PCDHA8: variants seen among roughly 807,000 people sequenced by gnomAD.
PCDHA8 encodes protocadherin alpha-8.
In PCDHA8, 53 loss-of-function variants were observed where a neutral mutation model predicts 61.8. The observed-to-expected ratio is 0.86, with a 90% CI of 0.69 to 1.08. The LOEUF is 1.08. Among genes scored for constraint, PCDHA8 ranks in the 50% least tolerant of loss-of-function variants. The pLI, the probability that PCDHA8 is intolerant of heterozygous loss-of-function variation, is 0.00. For synonymous variants in PCDHA8, 618 were observed against 556.6 expected (o/e 1.11, Z -1.55); for missense variants, 1,293 against 1,245.0 (o/e 1.04, Z -0.58).
chr5:140,883,339 C>G (rs142984869), intron 1 of PCDHA8: 2 of 1,614,172 alleles, frequency 1.2e-6, no homozygotes, highest in South Asian at 2.2e-5. Flanking sequence ...CTTTGTCACT[C>G]CCCATCAGAG....
At chr5:140,895,709 A>G (rs763607157) in intron 1 of PCDHA8, among the ~76,000 whole-genome samples, 2 of 152,208 alleles carry the variant, frequency 1.3e-5, no homozygotes, top group African/African-American at 2.4e-5. Flanking sequence ...CACTTGGGAT[A>G]ATGGCCTGCA....
At position 140,849,641 on chromosome 5, in the gene PCDHA8, C is replaced by A. The variant is rs2150443548; in HGVS notation, c.2394+5926C>A. 5 of 1,598,742 alleles carry A rather than the reference C, an allele frequency of 3.1e-6. 2 individuals are homozygous for A. Among genetic ancestry groups the A allele is most frequent in the Non-Finnish European group, 2.6e-6 (3 of 1,167,966 alleles). ...TGATCGACCTAGACGCAGATGCCAA[C>A]GGGCAGGTTACCTGCTCCCTGACGC... On this transcript the variant is annotated intron_variant, in intron 1 of 3. Coordinates refer to ENST00000531613, the MANE Select transcript of PCDHA8 (RefSeq NM_018911.3).
chr5:140,865,528 T>C (rs2048902393), intron 1 of PCDHA8: 1 of 152,220 alleles, frequency 6.6e-6, no homozygotes, highest in Non-Finnish European at 1.5e-5. Context: ...GGAATTCTCT[T>C]CATCCATAGC....
At chr5:140,877,388 A>G (rs1186041410) in intron 1 of PCDHA8, 14 of 1,613,802 alleles carry the variant, frequency 8.7e-6, no homozygotes, top group Non-Finnish European at 1.2e-5. Flanking sequence ...ATCCTGGATG[A>G]GGCGGACGCT....
At chr5:140,876,565 G>T (rs371696514) in intron 1 of PCDHA8, 1 of 1,614,182 alleles carries the variant, frequency 6.2e-7, no homozygotes, top group Non-Finnish European at 8.5e-7. Context: ...GGATGCTCAG[G>T]TGGGTACCGT....
chr5:140,921,741 A>AT (rs1554200411), intron 1 of PCDHA8, among the ~76,000 whole-genome samples: 1 of 152,202 alleles, frequency 6.6e-6, no homozygotes, highest in Non-Finnish European at 1.5e-5. Context: ...AATTATAAGC[A>AT]TAACAGGACA....
intron 1 of PCDHA8, chr5:140,857,813 G>A (rs17844346): frequency 6.3e-7 from 1 of 1,597,700 alleles, no homozygotes; most frequent in African/African-American, 1.3e-5. Flanking sequence ...TGCGGGTCAC[G>A]TGGTGGCTAA....
intron 3 of PCDHA8, among the ~76,000 whole-genome samples, chr5:141,003,397 C>T (rs370088269): frequency 2.0e-5 from 3 of 152,086 alleles, no homozygotes; most frequent in African/African-American, 4.8e-5. Flanking sequence ...CTGAAACCTC[C>T]GCCTCCCGGG....
At position 140,925,289 on chromosome 5, in the gene PCDHA8, G is replaced by T. The variant is rs190990360; in HGVS notation, c.2395-53660G>T. Among the ~76,000 whole-genome samples, 1,224 of 152,222 alleles carry T rather than the reference G, an allele frequency of 8.0e-3. 6 individuals carry two copies. The highest frequency in any genetic ancestry group is 0.019 in the African/African-American group (790 of 41,540). On this transcript the variant is annotated intron_variant, in intron 1 of 3. Coordinates refer to ENST00000531613, the MANE Select transcript of PCDHA8 (RefSeq NM_018911.3). The stretch of plus-strand genomic sequence containing the variant: ...TGTGTTCAGATTTTGCCTTTCAAAT[G>T]TTTCATTATTGGGGCTTTGGACATA...
chr5:140,943,270 AAAAAAAAG>A (rs1301290983), intron 1 of PCDHA8, among the ~76,000 whole-genome samples: 4 of 150,618 alleles, frequency 2.7e-5, no homozygotes, highest in African/African-American at 4.9e-5. Context: ...AAAAAAAAAA[AAAAAAAAG>A]AAAGAAAGAA....
chr5:140,848,526 G>A (rs1781577604), intron 1 of PCDHA8: 2 of 1,594,266 alleles, frequency 1.3e-6, no homozygotes, highest in Admixed American at 1.7e-5. Flanking sequence ...AGATCCAGAG[G>A]GTCAGCCTCT....
At chr5:140,871,861 T>C (rs1554165885) in intron 1 of PCDHA8, among the ~76,000 whole-genome samples, 1 of 152,272 alleles carries the variant, frequency 6.6e-6, no homozygotes, top group East Asian at 1.9e-4. Flanking sequence ...ATAATAACTA[T>C]GGATTATTTA....
Position 140,861,518 on chromosome 5 carries a change from G to A in PCDHA8, c.2394+17803G>A, listed in dbSNP as rs560386977. The A allele has an allele frequency of 1.0e-3, 481 of 461,708 alleles. 1 individual carries two copies. Among genetic ancestry groups the A allele is most frequent in the African/African-American group, 8.4e-3 (422 of 50,046 alleles). The allele number at this position is 461,708 out of a possible 1,614,324, so 28.6% of individuals were successfully genotyped here. A position where few individuals can be genotyped will look rare whatever the true frequency, so the allele number is the denominator to read the frequency against. On this transcript the variant is annotated intron_variant, in intron 1 of 3. Transcript: ENST00000531613. The stretch of plus-strand genomic sequence containing the variant: ...TGATAGACCTCGAGGAGCTGTGTGG[G>A]AGGATCTCGGAGTGCAGCATCCACC...
intron 1 of PCDHA8, among the ~76,000 whole-genome samples, chr5:140,879,457 T>A (rs1554170803): frequency 6.6e-6 from 1 of 152,176 alleles, no homozygotes; most frequent in Non-Finnish European, 1.5e-5. Context: ...TTTGAAGTCC[T>A]AAGAGAATAC....
At chr5:140,876,445 A>G in intron 1 of PCDHA8, 1 of 1,614,014 alleles carries the variant, frequency 6.2e-7, no homozygotes, top group Non-Finnish European at 8.5e-7. Context: ...CGCCATTGAT[A>G]AAGGGATTCC....
In PCDHA8 at chr5:140,928,822, C is replaced by G. The variant is rs782187448; in HGVS notation, c.2395-50127C>G. ...GGTAGTGGTTCGGGACCATGGAGAC[C>G]CACCACTTTCCTCCTCTGTCACTCT... On this transcript the variant is annotated intron_variant, in intron 1 of 3. Coordinates refer to ENST00000531613, the MANE Select transcript of PCDHA8 (RefSeq NM_018911.3). 6 of 1,614,116 alleles carry G rather than the reference C, an allele frequency of 3.7e-6. No individual in the cohort carries two copies. The South Asian group carries it at 6.6e-5, about 18-fold the overall frequency.
intron 1 of PCDHA8, chr5:140,967,813 C>T (rs12153295): frequency 0.14 from 229,585 of 1,614,060 alleles, 17,281 homozygotes; most frequent in Middle Eastern, 0.18. Context: ...CAGGTCACTG[C>T]AAGGTGCTGG....
chr5:140,972,152 A>AT (rs1203762947), intron 1 of PCDHA8, among the ~76,000 whole-genome samples: 3 of 151,770 alleles, frequency 2.0e-5, no homozygotes, highest in East Asian at 3.9e-4. Context: ...TTTTATTTTT[A>AT]TTTTTTTGAG....
chr5:140,869,934 A>ATTTTTTTTC, intron 1 of PCDHA8: 1 of 1,612,052 alleles, frequency 6.2e-7, no homozygotes, highest in African/African-American at 1.3e-5. Context: ...ATGGAGAGGT[A>ATTTTTTTTC]ACATACTCCT....
Sources: allele counts gnomAD v4.1 joint callset (sites outside exome capture counted in the v4.1 genomes callset), GRCh38; gene constraint gnomAD v4.1.1; transcripts MANE v1.5; gene names NCBI Gene and HGNC (gene_info 2026-07-23, HGNC 2026-07-21).